TSHZ2: variants seen among roughly 807,000 people sequenced by gnomAD.
The protein encoded by TSHZ2 is teashirt homolog 2.
Under a neutral mutation model 74.4 loss-of-function variants are expected in TSHZ2, and 21 were observed. The observed-to-expected ratio is 0.28, with a 90% CI of 0.20 to 0.41. The LOEUF (loss-of-function observed/expected upper bound fraction) is 0.41, where lower values mean the gene tolerates loss of function less well. TSHZ2 is among the 10% of genes least tolerant of loss of function. The pLI is 1.00. For synonymous variants in TSHZ2, 540 were observed against 515.3 expected, an observed-to-expected ratio of 1.05 and a Z score of -0.65; for missense variants, 1,244 against 1,293.5, an observed-to-expected ratio of 0.96 and a Z score of 0.59.
chr20:53,068,045 G>A (rs1036929381), intron 1 of TSHZ2, among the ~76,000 whole-genome samples: 43 of 152,078 alleles, frequency 2.8e-4, no homozygotes, highest in Non-Finnish European at 2.9e-4. Context: ...TTGTCAGGTG[G>A]CATCCCCTCT....
intron 1 of TSHZ2, among the ~76,000 whole-genome samples, chr20:53,011,002 T>C (rs1982830144): frequency 6.6e-6 from 1 of 152,144 alleles, no homozygotes; most frequent in Non-Finnish European, 1.5e-5. Flanking sequence ...AATCTGGCCA[T>C]TTAAACAGAA....
At chr20:53,015,143 C>A (rs541445662) in intron 1 of TSHZ2, among the ~76,000 whole-genome samples, 1 of 152,168 alleles carries the variant, frequency 6.6e-6, no homozygotes, top group African/African-American at 2.4e-5. Context: ...GGCCTGGCTT[C>A]TCCTCATCAT....
chr20:53,072,870 C>T (rs1324431548), intron 1 of TSHZ2, among the ~76,000 whole-genome samples: 1 of 152,160 alleles, frequency 6.6e-6, no homozygotes, highest in African/African-American at 2.4e-5. Flanking sequence ...TACTTCTGCC[C>T]ATCCATCCAT....
At position 53,377,534 on chromosome 20, in the gene TSHZ2, A is replaced by T. The variant is rs561104744; in HGVS notation, c.*9-109610A>T. On this transcript the variant is annotated intron_variant, in intron 2 of 2. Transcript: ENST00000371497. ...CAAGGCTTTGCTGTCTCTGTTACAG[A>T]TACACAACCTGAGGTTTATAAACTT... Among the ~76,000 whole-genome samples the T allele has an allele frequency of 5.9e-5, 9 of 152,272 alleles. No individual in the cohort carries two copies. In the South Asian group the frequency reaches 1.9e-3, roughly 32 times the overall value.
chr20:53,355,520 T>C (rs1402459412), intron 2 of TSHZ2, among the ~76,000 whole-genome samples: 1 of 152,200 alleles, frequency 6.6e-6, no homozygotes, highest in East Asian at 1.9e-4. Context: ...AAACATACTT[T>C]ATGTGATTCC....
At chr20:53,433,357 A>T (rs1983910751) in intron 2 of TSHZ2, among the ~76,000 whole-genome samples, 1 of 152,056 alleles carries the variant, frequency 6.6e-6, no homozygotes, top group African/African-American at 2.4e-5. Flanking sequence ...ACAAAGAGAG[A>T]CCCTGTCTCT....
At chr20:53,202,409 G>A (rs567331647) in intron 1 of TSHZ2, among the ~76,000 whole-genome samples, 2 of 152,254 alleles carry the variant, frequency 1.3e-5, no homozygotes, top group East Asian at 3.9e-4. Flanking sequence ...TTGCAACTTG[G>A]TACATGATTC....
rs150885105 is a variant in TSHZ2 at position 52,990,823 on chromosome 20, T to C, written c.40+17490T>C. 1.5e-3 allele frequency among the ~76,000 whole-genome samples: 221 copies of C among 152,328 alleles called. 1 individual carries two copies. Among genetic ancestry groups the C allele is most frequent in the Middle Eastern group, 0.014 (4 of 294 alleles). On this transcript the variant is annotated intron_variant, in intron 1 of 2. Coordinates refer to ENST00000371497, the MANE Select transcript of TSHZ2 (RefSeq NM_173485.6). The stretch of plus-strand genomic sequence containing the variant: ...TTTAGAAGGTCCATGTGGTACAATA[T>C]GCTTTTCCTAACCAAGACCAACATC...
intron 2 of TSHZ2, among the ~76,000 whole-genome samples, chr20:53,369,698 G>A (rs887019725): frequency 3.3e-5 from 5 of 151,942 alleles, no homozygotes; most frequent in Non-Finnish European, 5.9e-5. Flanking sequence ...GTGACAGAGC[G>A]AGACTCTGTC....
intron 2 of TSHZ2, among the ~76,000 whole-genome samples, chr20:53,460,656 GT>G (rs1314068961): frequency 1.3e-5 from 2 of 152,178 alleles, no homozygotes; most frequent in Admixed American, 6.5e-5. Context: ...TTTCTGTTCT[GT>G]TTTTTCCCCA....
intron 1 of TSHZ2, among the ~76,000 whole-genome samples, chr20:53,145,357 C>A (rs1402305149): frequency 6.6e-6 from 1 of 152,152 alleles, no homozygotes; most frequent in African/African-American, 2.4e-5. Context: ...GATAATAGGG[C>A]CTCTGTTTTT....
chr20:53,482,820 C>T (rs1384852997), intron 2 of TSHZ2, among the ~76,000 whole-genome samples: 1 of 152,014 alleles, frequency 6.6e-6, no homozygotes, highest in Non-Finnish European at 1.5e-5. Flanking sequence ...GTGGGAAGAT[C>T]ACCTGAGCCC....
chr20:53,134,348 T>C (rs1440724917), intron 1 of TSHZ2, among the ~76,000 whole-genome samples: 2 of 152,242 alleles, frequency 1.3e-5, no homozygotes, highest in African/African-American at 4.8e-5. Context: ...TAGCAAACTG[T>C]GTTGAGATAT....
At chr20:53,179,651 G>A (rs1988424851) in intron 1 of TSHZ2, 1 of 152,138 alleles carries the variant, frequency 6.6e-6, no homozygotes, top group African/African-American at 2.4e-5. Context: ...CCCTCCCCTG[G>A]TTCTTCTGTG....
At chr20:53,275,570 T>A (rs982803024) in intron 2 of TSHZ2, among the ~76,000 whole-genome samples, 1 of 152,174 alleles carries the variant, frequency 6.6e-6, no homozygotes, top group African/African-American at 2.4e-5. Flanking sequence ...GCTGTATAAT[T>A]CCTAAAATCT....
At chr20:53,050,826 A>G (rs1452331863) in intron 1 of TSHZ2, among the ~76,000 whole-genome samples, 1 of 152,210 alleles carries the variant, frequency 6.6e-6, no homozygotes, top group Non-Finnish European at 1.5e-5. Flanking sequence ...GGAGATAACT[A>G]TTTGGGAGCT....
At chr20:52,977,562 A>G (rs956944414) in intron 1 of TSHZ2, among the ~76,000 whole-genome samples, 2 of 148,946 alleles carry the variant, frequency 1.3e-5, no homozygotes, top group African/African-American at 4.9e-5. Context: ...AAGGAAGGAT[A>G]GATTCCTTGA....
chr20:52,999,210 C>G (rs181208278), intron 1 of TSHZ2, among the ~76,000 whole-genome samples: 1 of 152,226 alleles, frequency 6.6e-6, no homozygotes, highest in East Asian at 1.9e-4. Flanking sequence ...ACAGAGTTCC[C>G]GATTCACCTC....
intron 2 of TSHZ2, among the ~76,000 whole-genome samples, chr20:53,263,972 G>A (rs566364328): frequency 6.6e-6 from 1 of 152,346 alleles, no homozygotes; most frequent in Non-Finnish European, 1.5e-5. Flanking sequence ...ATTTGAGAAT[G>A]AAACCAGAAA....
Sources: allele counts gnomAD v4.1 joint callset (sites outside exome capture counted in the v4.1 genomes callset), GRCh38; gene constraint gnomAD v4.1.1; transcripts MANE v1.5; gene names NCBI Gene and HGNC (gene_info 2026-07-23, HGNC 2026-07-21).